Variants in PKD1L3 observed in about 807,000 individuals in gnomAD.
PKD1L3 encodes polycystin 1 like 3, transient receptor potential channel interacting, also known as polycystin-1-like protein 3.
In PKD1L3, 239 loss-of-function variants were observed where a neutral mutation model predicts 184.1. The ratio of observed to expected loss-of-function variants is 1.30; its 90% CI spans 1.17 to 1.45. The LOEUF (loss-of-function observed/expected upper bound fraction) is 1.45, where lower values mean the gene tolerates loss of function less well. PKD1L3 is among the 40% of genes most tolerant of loss of function. PKD1L3 has a pLI of 0.00. For synonymous variants in PKD1L3, 996 were observed against 778.8 expected, an observed-to-expected ratio of 1.28 and a Z score of -4.64; for missense variants, 2,660 against 2,067.2, an observed-to-expected ratio of 1.29 and a Z score of -5.56.
chr16:71,982,036 C>G lies in PKD1L3; in HGVS notation c.1143+23G>C, dbSNP rs955993785. ...TTAAAATGCTTCTAAGCAGATCTGGCCACCTGCATATCTGGCACCTACCGG... is the reference window on the plus strand; with the variant it reads ...TTAAAATGCTTCTAAGCAGATCTGGGCACCTGCATATCTGGCACCTACCGG... On this transcript the variant is annotated intron_variant, in intron 7 of 29. Transcript: ENST00000620267. 14 of 1,524,794 alleles carry G rather than the reference C, an allele frequency of 9.2e-6. No individual in the cohort carries two copies. The Admixed American group carries it at 1.1e-4, about 12-fold the overall frequency. The allele number at this position is 1,524,794 out of a possible 1,614,324, so 94.5% of individuals were successfully genotyped here. A position where few individuals can be genotyped will look rare whatever the true frequency, so the allele number is the denominator to read the frequency against.
At position 71,942,645 on chromosome 16, in the gene PKD1L3, G is replaced by A. The variant is rs2143231208; in HGVS notation, c.4239C>T (p.Pro1413=). 1 of 1,551,704 alleles carries A rather than the reference G, an allele frequency of 6.4e-7. No homozygotes were observed. ...CAGTGGGAATCAGCACCATGGGCCTGGGTGAACAGATGTAACTGAACCTCC... is the reference window on the plus strand; with the variant it reads ...CAGTGGGAATCAGCACCATGGGCCTAGGTGAACAGATGTAACTGAACCTCC... ...HLRRFSYICS[P]RPMVLIPTDE... Residue 1413 remains proline (P), a synonymous_variant, in exon 24 of 30, where the codon CCC becomes CCT. Coordinates refer to ENST00000620267, the MANE Select transcript of PKD1L3 (RefSeq NM_181536.2).
chr16:71,986,582 C>T, intron 4 of PKD1L3, 113 bp from the exon 5 acceptor site: 1 of 1,192,506 alleles, frequency 8.4e-7, no homozygotes, highest in Non-Finnish European at 1.1e-6. Context: ...TACTAATAGG[C>T]ATTTCTGTTA....
chr16:71,933,939 G>A lies in PKD1L3; in HGVS notation c.4800C>T (p.Ile1600=), dbSNP rs1426786573. 3.2e-6 allele frequency: 5 copies of A among 1,551,308 alleles called. No individual in the cohort carries two copies. Among genetic ancestry groups the A allele is most frequent in the Non-Finnish European group, 4.4e-6 (5 of 1,146,926 alleles). Residue 1600 remains isoleucine (I), a synonymous_variant, in exon 27 of 30, where the codon ATC becomes ATT. Transcript: ENST00000620267. ...CGGCAATGGCATAGCCTGTCAGCAG[G>A]ATTAGGATGATCAGCAGAAAGCCCA... ...EVVGFLLIIL[I]LLTGYAIAFN...
chr16:71,962,010 C>T (rs1023847765), intron 16 of PKD1L3, among the ~76,000 whole-genome samples: 4 of 152,116 alleles, frequency 2.6e-5, no homozygotes, highest in South Asian at 2.1e-4. Flanking sequence ...CTGCAACTTC[C>T]GCTTCCTGGG....
rs189342815 is a variant in PKD1L3, at chr16:71,944,046, C to G, written c.3843G>C (p.Leu1281=). The G allele has an allele frequency of 1.9e-6, 3 of 1,551,660 alleles. No individual in the cohort carries two copies. In the African/African-American group the frequency reaches 4.1e-5, roughly 21 times the overall value. Residue 1281 remains leucine (L), a synonymous_variant, in exon 23 of 30, where the codon CTG becomes CTC. Coordinates refer to ENST00000620267, the MANE Select transcript of PKD1L3 (RefSeq NM_181536.2). ...TCTCCATACCCAAAATATCTCCAGT[C>G]AGCTTGAAGAGTTTCTTCTTTTTCA... The part of the protein sequence containing the change: ...RTLKKKKLFK[L]TGDILVQILF...
At chr16:71,954,049 CA>C (rs1555517214) in intron 17 of PKD1L3, 55 bp downstream of exon 17, 32,062 of 1,053,832 alleles carry the variant, frequency 0.03, no homozygotes, top group South Asian at 0.052. Flanking sequence ...GACCCTGTCT[CA>C]AAAAAAAAAA....
At chr16:71,941,751 ATTT>A (rs1047102378) in intron 24 of PKD1L3, among the ~76,000 whole-genome samples, 3 of 151,430 alleles carry the variant, frequency 2.0e-5, no homozygotes, top group African/African-American at 7.3e-5. Flanking sequence ...TGCCTGGGTA[ATTT>A]TTGTATTTTT....
In PKD1L3 at chr16:72,000,123, G is replaced by A. The variant is rs975257468; in HGVS notation, c.-145C>T. ...CCAAGGATACAAAAGGTTTTGTTTT[G>A]AGGACCCAGGTGCAGGTCCTACAAG... On this transcript the variant is annotated 5_prime_UTR_variant, in exon 1 of 30. Coordinates refer to ENST00000620267, the MANE Select transcript of PKD1L3 (RefSeq NM_181536.2). 2 of 684,228 alleles carry A rather than the reference G, an allele frequency of 2.9e-6. No homozygotes were observed. Among genetic ancestry groups the A allele is most frequent in the African/African-American group, 1.9e-5 (1 of 53,580 alleles). The allele number at this position is 684,228 out of a possible 1,614,324, so 42.4% of individuals were successfully genotyped here.
intron 16 of PKD1L3, among the ~76,000 whole-genome samples, chr16:71,960,229 A>C (rs1359838529): frequency 2.3e-5 from 1 of 44,328 alleles, no homozygotes; most frequent in Non-Finnish European, 6.5e-5. Flanking sequence ...AAAGTAGATA[A>C]AGGAAAGAGA....
chr16:71,983,931 G>T lies in PKD1L3; in HGVS notation c.966+105C>A, dbSNP rs1393392273. ...GCCCGCCTCGGCCTTCTAAAGTGCT[G>T]GGATTACAGGCGTGAGCCACCGCAC... On this transcript the variant is annotated intron_variant, in intron 6 of 29. Coordinates refer to ENST00000620267, the MANE Select transcript of PKD1L3 (RefSeq NM_181536.2). 1.9e-5 allele frequency: 27 copies of T among 1,419,918 alleles called. No homozygotes were observed. The Admixed American group carries it at 6.2e-4, about 33-fold the overall frequency. The allele number at this position is 1,419,918 out of a possible 1,614,324, so 88.0% of individuals were successfully genotyped here. A position where few individuals can be genotyped will look rare whatever the true frequency, so the allele number is the denominator to read the frequency against.
chr16:71,950,030 A>T lies in PKD1L3; in HGVS notation c.3384-13T>A, dbSNP rs35377660. 0.24 allele frequency: 367,205 copies of T among 1,551,034 alleles called. 46,543 individuals are homozygous for T. The highest frequency in any genetic ancestry group is 0.27 in the Middle Eastern group (1,645 of 5,994). On this transcript the variant is annotated splice_polypyrimidine_tract_variant and intron_variant, in intron 20 of 29. Coordinates refer to ENST00000620267, the MANE Select transcript of PKD1L3 (RefSeq NM_181536.2). The stretch of plus-strand genomic sequence containing the variant: ...ACTGGTGACTTCCCTGAAGCACAAA[A>T]GTTGAGGGAATAATCTTGTATGCAT...
intron 13 of PKD1L3, among the ~76,000 whole-genome samples, chr16:71,969,180 C>T (rs541214662): frequency 4.2e-4 from 64 of 152,160 alleles, no homozygotes; most frequent in Non-Finnish European, 7.1e-4. Flanking sequence ...ATCCACCTGC[C>T]TCGGCCTCCC....
chr16:71,935,796 GTTTC>G (rs1308409153), intron 25 of PKD1L3, among the ~76,000 whole-genome samples: 2 of 152,130 alleles, frequency 1.3e-5, no homozygotes, highest in Non-Finnish European at 2.9e-5. Flanking sequence ...TAATACAAAA[GTTTC>G]TTTCTTTGAG....
chr16:71,945,323 TATATAC>T (rs1567498536), intron 22 of PKD1L3, among the ~76,000 whole-genome samples: 2,404 of 63,456 alleles, frequency 0.038, 34 homozygotes, highest in African/African-American at 0.063. Context: ...CACACACACA[TATATAC>T]ACACACACAC....
At chr16:71,983,998 TCTC>T (rs1162447032) in intron 6 of PKD1L3, 35 bp downstream of exon 6, 2 of 1,546,768 alleles carry the variant, frequency 1.3e-6, no homozygotes, top group Admixed American at 4.0e-5. Context: ...CTTTTCCCTC[TCTC>T]CTACCTTCTT....
At chr16:71,986,600 T>A (rs2040376859) in intron 4 of PKD1L3, 131 bp from the exon 5 acceptor site, 1 of 1,068,110 alleles carries the variant, frequency 9.4e-7, no homozygotes, top group African/African-American at 1.6e-5. Context: ...TTAAAAAAAA[T>A]TCTGTGCTCA....
At chr16:71,968,474 T>G (rs140988444) in intron 13 of PKD1L3, among the ~76,000 whole-genome samples, 1 of 152,210 alleles carries the variant, frequency 6.6e-6, no homozygotes, top group Non-Finnish European at 1.5e-5. Flanking sequence ...AAGTGAACAC[T>G]TGGCGTATTC....
At chr16:71,956,752 A>G (rs8054111) in intron 16 of PKD1L3, among the ~76,000 whole-genome samples, 109,279 of 152,106 alleles carry the variant, frequency 0.72, 39,821 homozygotes, top group East Asian at 0.97. Context: ...GCACAGCAGT[A>G]TCAATATATA....
At chr16:71,984,263 A>C (rs2040275984) in intron 5 of PKD1L3, 96 bp from the exon 6 acceptor site, 1 of 1,283,384 alleles carries the variant, frequency 7.8e-7, no homozygotes, top group African/African-American at 1.5e-5. Flanking sequence ...ACCTTGGGTA[A>C]CTTTATAAAC....
Sources: gnomAD v4.1 joint callset for allele counts (sites outside exome capture counted in the v4.1 genomes callset) on GRCh38, gnomAD v4.1.1 for gene constraint, MANE v1.5 for transcripts, NCBI Gene and HGNC (gene_info 2026-07-23, HGNC 2026-07-21) for gene names.